The following TP73 variants were observed in gnomAD, a reference collection of about 807,000 sequenced individuals.
The protein encoded by TP73 is tumor protein p73, also known as p53-like transcription factor.
Under a neutral mutation model 62.5 loss-of-function variants are expected in TP73, and 25 were observed. The ratio of observed to expected loss-of-function variants is 0.40; its 90% confidence interval spans 0.29 to 0.56. The LOEUF is 0.56. TP73 is among the 20% of genes least tolerant of loss of function. TP73 has a pLI of 0.46. For missense variants in TP73, 754 were observed against 913.3 expected (o/e 0.83, Z 2.25); for synonymous variants, 423 against 377.5 (o/e 1.12, Z -1.40).
At chr1:3,727,047 G>A in intron 6 of TP73, 68 bp from the exon 7 acceptor site, 1 of 1,386,526 alleles carries the variant, frequency 7.2e-7, no homozygotes, top group Admixed American at 1.8e-5. Flanking sequence ...TGGAGCTGGG[G>A]GCTGCCACCT....
chr1:3,727,059 A>G (rs1489289857), intron 6 of TP73, 56 bp from the exon 7 acceptor site: 1 of 1,487,376 alleles, frequency 6.7e-7, no homozygotes. Context: ...CTGCCACCTT[A>G]GTGGATTGGG....
intron 1 of TP73, among the ~76,000 whole-genome samples, chr1:3,661,805 T>C (rs1339941739): frequency 6.9e-6 from 1 of 145,810 alleles, no homozygotes; most frequent in Non-Finnish European, 1.5e-5. Flanking sequence ...ACACTATATA[T>C]AATATATGTA....
Position 3,728,230 on chromosome 1 carries a change from T to C in TP73, c.1074+13T>C. The C allele has an allele frequency of 6.2e-7, 1 of 1,609,664 alleles. No homozygotes were observed. Among genetic ancestry groups the C allele is most frequent in the Non-Finnish European group, 8.5e-7 (1 of 1,179,058 alleles). On this transcript the variant is annotated intron_variant, in intron 9 of 13. Coordinates refer to ENST00000378295, the MANE Select transcript of TP73 (RefSeq NM_005427.4). ...GTACTACCTTCAGGTGAGTGTGTGC[T>C]CCTGCACGGCAGCCGGGAGACCTGC...
At chr1:3,704,881 C>T (rs541145984) in intron 3 of TP73, among the ~76,000 whole-genome samples, 1 of 152,192 alleles carries the variant, frequency 6.6e-6, no homozygotes, top group Non-Finnish European at 1.5e-5. Context: ...ACTGGCAGCT[C>T]GCCGGTGCCC....
rs767656975 is a variant in TP73 at position 3,731,573 on chromosome 1, C to T, written c.1578+17C>T. 21 of 1,611,440 alleles carry T rather than the reference C, an allele frequency of 1.3e-5. No homozygotes were observed. Among genetic ancestry groups the T allele is most frequent in the Non-Finnish European group, 1.8e-5 (21 of 1,178,146 alleles). ...ACCATTGAGGTAACGCCCGGGTGGACCCCGCTCTGCAGAGGCAGTAGCTGG... is the reference window on the plus strand; with the variant it reads ...ACCATTGAGGTAACGCCCGGGTGGATCCCGCTCTGCAGAGGCAGTAGCTGG... On this transcript the variant is annotated intron_variant, in intron 13 of 13. Coordinates refer to ENST00000378295, the MANE Select transcript of TP73 (RefSeq NM_005427.4).
rs370485195 is a variant in TP73 at position 3,713,280 on chromosome 1, G to A, written c.429+5489G>A. 1.4e-4 allele frequency among the ~76,000 whole-genome samples: 21 copies of A among 152,326 alleles called. 1 individual carries two copies. Among genetic ancestry groups the A allele is most frequent in the East Asian group, 9.6e-4 (5 of 5,184 alleles). The stretch of plus-strand genomic sequence containing the variant: ...GCGAGCCTCATGGGCGAGAAGCCAG[G>A]CAGCTGGGCTTGGGGACCGGCCTCT... On this transcript the variant is annotated intron_variant, in intron 4 of 13. Transcript: ENST00000378295.
intron 1 of TP73, among the ~76,000 whole-genome samples, chr1:3,665,819 C>CTTTTTTT (rs140454580): frequency 1.0e-5 from 1 of 96,912 alleles, no homozygotes; most frequent in Non-Finnish European, 1.9e-5. Flanking sequence ...CGTGCCCGGC[C>CTTTTTTT]TTTTTTTTTT....
chr1:3,731,093 T>A, intron 12 of TP73, 28 bp downstream of exon 12: 1 of 1,603,050 alleles, frequency 6.2e-7, no homozygotes, highest in South Asian at 1.1e-5. Context: ...GGCCTGAGCA[T>A]GTGCTGTCAC....
intron 3 of TP73, among the ~76,000 whole-genome samples, chr1:3,688,109 G>A (rs766791049): frequency 6.6e-6 from 1 of 152,140 alleles, no homozygotes; most frequent in Non-Finnish European, 1.5e-5. Flanking sequence ...TGGAGGAAGG[G>A]TGGGGTCATG....
chr1:3,709,005 C>T (rs1247728562), intron 4 of TP73, among the ~76,000 whole-genome samples: 1 of 152,222 alleles, frequency 6.6e-6, no homozygotes, highest in African/African-American at 2.4e-5. Flanking sequence ...AGAATCGGGT[C>T]CCACTGCCCT....
chr1:3,729,821 G>T, intron 10 of TP73, 179 bp from the exon 11 acceptor site: 1 of 945,700 alleles, frequency 1.1e-6, no homozygotes, highest in Admixed American at 2.7e-5. Flanking sequence ...CTTCTCAGGC[G>T]CAGGCCCAGT....
In TP73 at chr1:3,733,406, C is replaced by T. The variant is rs758371973; in HGVS notation, c.*327C>T. 144 of 407,756 alleles carry T rather than the reference C, an allele frequency of 3.5e-4. No homozygotes were observed. Among genetic ancestry groups the T allele is most frequent in the Non-Finnish European group, 4.9e-4 (110 of 223,404 alleles). 25.3% of individuals were successfully genotyped at this position (407,756 alleles called of 1,614,324 possible). On this transcript the variant is annotated 3_prime_UTR_variant, in exon 14 of 14. Transcript: ENST00000378295. ...GTGGGTGGGGACCGCAGCGTCGGCT[C>T]CGACTTCCAGGCTTCATCCTAGAGA...
intron 13 of TP73, among the ~76,000 whole-genome samples, chr1:3,731,894 A>T (rs903336457): frequency 6.6e-6 from 1 of 152,234 alleles, no homozygotes; most frequent in Non-Finnish European, 1.5e-5. Context: ...GAGTCAGTCC[A>T]GTTCAGTGCC....
chr1:3,683,036 T>G (rs1645561416), intron 2 of TP73, 24 bp from the exon 3 acceptor site: 1 of 1,591,230 alleles, frequency 6.3e-7, no homozygotes, highest in Non-Finnish European at 8.6e-7. Flanking sequence ...GACTGACGCT[T>G]CTATTTTCCT....
At position 3,731,485 on chromosome 1, in the gene TP73, C is replaced by G; in HGVS notation, c.1507C>G (p.Pro503Ala). The change falls in exon 13 of 14, where the codon CCA becomes GCA. Residue 503 changes from proline to alanine, a missense_variant. Coordinates refer to ENST00000378295, the MANE Select transcript of TP73 (RefSeq NM_005427.4). ...LVSFLTGLGC[P>A]NCIEYFTSQG... Reference sequence around the variant, plus strand: ...CAGTTTTTTAACAGGATTGGGGTGTCCAAACTGCATCGAGTATTTCACCTC... The same window carrying G: ...CAGTTTTTTAACAGGATTGGGGTGTGCAAACTGCATCGAGTATTTCACCTC... 1 of 1,613,788 alleles carries G rather than the reference C, an allele frequency of 6.2e-7. No individual in the cohort carries two copies. The highest frequency in any genetic ancestry group is 8.5e-7 in the Non-Finnish European group (1 of 1,180,018).
chr1:3,692,013 G>C (rs2124246151), intron 3 of TP73, among the ~76,000 whole-genome samples: 1 of 152,328 alleles, frequency 6.6e-6, no homozygotes. Context: ...GCGTGGATGT[G>C]CATGCAATAC....
chr1:3,682,245 A>T, intron 1 of TP73, 88 bp from the exon 2 acceptor site: 1 of 1,030,572 alleles, frequency 9.7e-7, no homozygotes, highest in Non-Finnish European at 1.3e-6. Context: ...AGGCAGGCCC[A>T]CTTGCCTGCC....
intron 2 of TP73, among the ~76,000 whole-genome samples, 172 bp from the exon 3 acceptor site, chr1:3,682,888 C>A (rs1402124556): frequency 6.6e-6 from 1 of 152,206 alleles, no homozygotes; most frequent in African/African-American, 2.4e-5. Context: ...GCACTCACAG[C>A]AGCCCTGGAA....
At chr1:3,693,369 G>A (rs918554502) in intron 3 of TP73, among the ~76,000 whole-genome samples, 3 of 152,162 alleles carry the variant, frequency 2.0e-5, no homozygotes, top group African/African-American at 7.2e-5. Flanking sequence ...AGCTGCTCCG[G>A]AGCCCGCTGG....
Sources: gnomAD v4.1 joint callset for allele counts (sites outside exome capture counted in the v4.1 genomes callset) on GRCh38, gnomAD v4.1.1 for gene constraint, MANE v1.5 for transcripts, NCBI Gene and HGNC (gene_info 2026-07-23, HGNC 2026-07-21) for gene names.